Variants in ST3GAL6 observed in about 807,000 individuals in gnomAD.
ST3GAL6 encodes the protein type 2 lactosamine alpha-2,3-sialyltransferase.
A neutral mutation model predicts 40.5 loss-of-function variants in ST3GAL6; 31 were observed. That is an observed-to-expected ratio of 0.77 (90% CI 0.58 to 1.03). The LOEUF is 1.03. ST3GAL6 is among the 50% of genes least tolerant of loss of function. The pLI is 0.00. For synonymous variants in ST3GAL6, 129 were observed against 136.9 expected (o/e 0.94, Z 0.40); for missense variants, 357 against 393.2 (o/e 0.91, Z 0.78).
chr3:98,737,435 A>G (rs1301809351), intron 1 of ST3GAL6, among the ~76,000 whole-genome samples: 1 of 151,858 alleles, frequency 6.6e-6, no homozygotes, highest in Non-Finnish European at 1.5e-5. Context: ...TTTTCTTTCT[A>G]CTAATTTACC....
intron 3 of ST3GAL6, 94 bp downstream of exon 3, chr3:98,771,050 T>C (rs772130907): frequency 1.1e-5 from 16 of 1,520,078 alleles, no homozygotes; most frequent in Non-Finnish European, 1.4e-5. Context: ...AATGCAAATC[T>C]TAGCAGTATA....
upstream of ST3GAL6, among the ~76,000 whole-genome samples, chr3:98,760,478 G>A (rs1049850045): frequency 2.0e-5 from 3 of 152,216 alleles, no homozygotes; most frequent in African/African-American, 7.2e-5. Context: ...CAGACTGTGA[G>A]CTCTATTCTC....
chr3:98,762,902 A>G, upstream of ST3GAL6: 2 of 985,366 alleles, frequency 2.0e-6, no homozygotes, highest in Non-Finnish European at 2.4e-6. Context: ...GCCATTTAGT[A>G]AGTGGTTAAT....
At chr3:98,756,027 C>T (rs923397507) in intron 1 of ST3GAL6, among the ~76,000 whole-genome samples, 4 of 152,030 alleles carry the variant, frequency 2.6e-5, no homozygotes, top group South Asian at 4.1e-4. Flanking sequence ...AATAAAGCTG[C>T]GTGTATGTGT....
intron 5 of ST3GAL6, chr3:98,783,674 C>T: frequency 1.0e-6 from 1 of 985,434 alleles, no homozygotes; most frequent in Non-Finnish European, 1.2e-6. Flanking sequence ...GTTTCAGGCA[C>T]ACACTGAAGG....
upstream of ST3GAL6, among the ~76,000 whole-genome samples, chr3:98,760,951 T>A (rs1937690807): frequency 6.6e-6 from 1 of 152,216 alleles, no homozygotes; most frequent in African/African-American, 2.4e-5. Flanking sequence ...ATTATGTTAA[T>A]TGACAGAAGT....
chr3:98,768,880 T>C (rs990951831), intron 2 of ST3GAL6, among the ~76,000 whole-genome samples: 2 of 152,236 alleles, frequency 1.3e-5, no homozygotes. Context: ...CTTAAGAGAT[T>C]ATTGATAAAA....
chr3:98,776,558 T>G (rs761265342), intron 5 of ST3GAL6, among the ~76,000 whole-genome samples: 5 of 152,174 alleles, frequency 3.3e-5, no homozygotes, highest in Non-Finnish European at 7.4e-5. Context: ...GGTCTGTAGG[T>G]CAGAGAGGAG....
intron 5 of ST3GAL6, chr3:98,782,086 T>G (rs1413774154): frequency 1.6e-6 from 1 of 608,380 alleles, no homozygotes; most frequent in African/African-American, 1.9e-5. Context: ...GCAGCTCCCA[T>G]CTCAGCCATA....
In ST3GAL6 at chr3:98,735,036, G is replaced by A. The variant is rs114965972; in HGVS notation, c.-12+2504G>A. Among the ~76,000 whole-genome samples the A allele has an allele frequency of 8.2e-3, 1,248 of 152,260 alleles. 11 individuals carry two copies. The highest frequency in any genetic ancestry group is 0.017 in the Middle Eastern group (5 of 294). On this transcript the variant is annotated intron_variant, in intron 1 of 9. Transcript: ENST00000265261. ...GAGATCTGTTTAGTATGCATTTTAG[G>A]TGATGCTTATTGAGAAGGTGAAGGA... is the stretch of plus-strand genomic sequence containing the variant.
Position 98,793,664 on chromosome 3 carries a change from T to C in ST3GAL6, c.910-11T>C, listed in dbSNP as rs374929429. On this transcript the variant is annotated splice_polypyrimidine_tract_variant and intron_variant, in intron 9 of 9. Coordinates refer to ENST00000483910, the MANE Select transcript of ST3GAL6 (RefSeq NM_001323368.2). ...GGAAAGAATGATGGTAATTGTATTTTTCTTCTTTAGAACGCGTATCACAAT... is the reference window on the plus strand; with the variant it reads ...GGAAAGAATGATGGTAATTGTATTTCTCTTCTTTAGAACGCGTATCACAAT... 3 of 1,557,726 alleles carry C rather than the reference T, an allele frequency of 1.9e-6. No individual in the cohort carries two copies. The highest frequency in any genetic ancestry group is 1.7e-6 in the Non-Finnish European group (2 of 1,149,872).
intron 1 of ST3GAL6, among the ~76,000 whole-genome samples, chr3:98,765,582 A>G (rs1027575976): frequency 4.6e-5 from 7 of 152,212 alleles, no homozygotes; most frequent in African/African-American, 1.7e-4. Context: ...TATATAGGTT[A>G]CTTATACATT....
intron 1 of ST3GAL6, among the ~76,000 whole-genome samples, chr3:98,742,327 C>G (rs183272140): frequency 2.0e-5 from 3 of 152,280 alleles, no homozygotes; most frequent in Admixed American, 2.0e-4. Flanking sequence ...TTAACTCTGT[C>G]TTTTTGTGGT....
At chr3:98,781,256 C>T (rs9855175) in intron 5 of ST3GAL6, among the ~76,000 whole-genome samples, 52,390 of 151,834 alleles carry the variant, frequency 0.35, 9,191 homozygotes, top group Non-Finnish European at 0.38. Context: ...CATGTTCTCA[C>T]TCATAAGTGG....
At chr3:98,778,662 C>G (rs1670990991) in intron 5 of ST3GAL6, among the ~76,000 whole-genome samples, 1 of 152,154 alleles carries the variant, frequency 6.6e-6, no homozygotes, top group South Asian at 2.1e-4. Context: ...GAGTAACATA[C>G]AAGACCTAAG....
upstream of ST3GAL6, among the ~76,000 whole-genome samples, chr3:98,762,187 A>G (rs1486869912): frequency 6.6e-6 from 1 of 152,212 alleles, no homozygotes; most frequent in Non-Finnish European, 1.5e-5. Context: ...TATTAGCAGA[A>G]GAGTTGGGGG....
At chr3:98,781,221 C>T (rs948875617) in intron 5 of ST3GAL6, among the ~76,000 whole-genome samples, 2 of 152,122 alleles carry the variant, frequency 1.3e-5, no homozygotes, top group Admixed American at 6.5e-5. Context: ...AGCAAACTAA[C>T]ACAGGAACAG....
At chr3:98,746,371 G>A (rs1173988977) in intron 1 of ST3GAL6, among the ~76,000 whole-genome samples, 1 of 151,972 alleles carries the variant, frequency 6.6e-6, no homozygotes. Flanking sequence ...AACCCTCAGT[G>A]TACTGGGGTG....
rs140538945 is a variant in ST3GAL6 at position 98,764,589 on chromosome 3, T to G, written c.-12+1150T>G. Among the ~76,000 whole-genome samples the G allele has an allele frequency of 2.2e-3, 336 of 152,312 alleles. 2 individuals carry two copies. The highest frequency in any genetic ancestry group is 0.015 in the East Asian group (80 of 5,182). ...AAAAGGAGGGGCCTGTGCTCACTTG[T>G]GAAAGCTCACATCTAGGGGGAGGTA... is the stretch of plus-strand genomic sequence containing the variant. On this transcript the variant is annotated intron_variant, in intron 1 of 9. Coordinates refer to ENST00000483910, the MANE Select transcript of ST3GAL6 (RefSeq NM_001323368.2).
Sources: allele counts gnomAD v4.1 joint callset (sites outside exome capture counted in the v4.1 genomes callset), GRCh38; gene constraint gnomAD v4.1.1; transcripts MANE v1.5; gene names NCBI Gene and HGNC (gene_info 2026-07-23, HGNC 2026-07-21).